Variants in WDR7 observed in about 807,000 individuals in gnomAD.
WDR7 encodes the protein WD repeat domain 7, also known as WD repeat-containing protein 7.
WDR7 carries 46 observed loss-of-function variants against 169.4 expected under a neutral mutation model. The ratio of observed to expected loss-of-function variants is 0.27; its 90% CI spans 0.21 to 0.35. The LOEUF is 0.35. Ranked by LOEUF, WDR7 falls within the 10% of genes least tolerant of loss-of-function variation. The pLI, the probability that WDR7 is intolerant of heterozygous loss-of-function variation, is 1.00. For missense variants in WDR7, 1,534 were observed against 1,859.3 expected, an observed-to-expected ratio of 0.83 and a Z score of 3.22; for synonymous variants, 612 against 666.8, an observed-to-expected ratio of 0.92 and a Z score of 1.27.
In WDR7 at chr18:57,020,807, T is replaced by C. The variant is rs1262697686; in HGVS notation, c.4227T>C (p.Leu1409=). Reference sequence around the variant, plus strand: ...CTTTTGCTCCTGATGGAAGATATCTTGCCACCTACTCAAACACTGACAGCC... The same window carrying C: ...CTTTTGCTCCTGATGGAAGATATCTCGCCACCTACTCAAACACTGACAGCC... ...AVAFAPDGRY[L]ATYSNTDSHI... The change falls in exon 27 of 28, where the codon CTT becomes CTC. Residue 1409 remains leucine (L), a synonymous_variant. Coordinates refer to ENST00000254442, the MANE Select transcript of WDR7 (RefSeq NM_015285.3). The C allele has an allele frequency of 1.2e-6, 2 of 1,614,104 alleles. No homozygotes were observed. The highest frequency in any genetic ancestry group is 3.3e-5 in the Admixed American group (2 of 60,006).
intron 14 of WDR7, among the ~76,000 whole-genome samples, chr18:56,734,356 A>G (rs2026650721): frequency 6.6e-6 from 1 of 151,864 alleles, no homozygotes. Context: ...TTGTTGGAGG[A>G]CTGGAGTCTA....
chr18:56,837,447 T>G (rs568441829), intron 20 of WDR7, among the ~76,000 whole-genome samples: 4 of 152,346 alleles, frequency 2.6e-5, no homozygotes, highest in Admixed American at 1.3e-4. Flanking sequence ...AATAATTTGC[T>G]ATTGTAAAAT....
At chr18:56,922,678 T>A (rs1316879408) in intron 21 of WDR7, among the ~76,000 whole-genome samples, 1 of 152,142 alleles carries the variant, frequency 6.6e-6, no homozygotes, top group African/African-American at 2.4e-5. Flanking sequence ...AAAGGACTGA[T>A]GGCTTTCATC....
At chr18:56,939,613 C>T (rs76108088) in intron 25 of WDR7, among the ~76,000 whole-genome samples, 4,274 of 151,978 alleles carry the variant, frequency 0.028, 105 homozygotes, top group African/African-American at 0.066. Context: ...TTGCTCAAAC[C>T]TTAGAAAAAA....
chr18:56,761,694 A>G (rs989564786), intron 16 of WDR7, among the ~76,000 whole-genome samples: 1 of 151,842 alleles, frequency 6.6e-6, no homozygotes. Context: ...TAGAGGTTTT[A>G]TATATATTTT....
intron 20 of WDR7, among the ~76,000 whole-genome samples, chr18:56,822,506 T>C (rs1362348881): frequency 6.6e-6 from 1 of 152,188 alleles, no homozygotes; most frequent in African/African-American, 2.4e-5. Context: ...ACAGATAAGC[T>C]CCAAAGAACA....
chr18:56,957,106 G>A (rs2047261876), intron 25 of WDR7, among the ~76,000 whole-genome samples: 1 of 152,052 alleles, frequency 6.6e-6, no homozygotes, highest in Non-Finnish European at 1.5e-5. Flanking sequence ...GAAAAAGAAT[G>A]GTTAAATAAT....
chr18:56,697,130 A>G (rs1259669460), intron 12 of WDR7, among the ~76,000 whole-genome samples: 1 of 152,134 alleles, frequency 6.6e-6, no homozygotes, highest in Admixed American at 6.6e-5. Flanking sequence ...TTGTGTGCAT[A>G]ATCACTGTCT....
intron 5 of WDR7, among the ~76,000 whole-genome samples, chr18:56,683,442 T>A (rs1054624010): frequency 2.0e-5 from 3 of 152,220 alleles, no homozygotes; most frequent in African/African-American, 7.2e-5. Flanking sequence ...GAATGTCTAC[T>A]TTTATAAGCC....
rs148215879 is a variant in WDR7 at position 56,889,436 on chromosome 18, A to G, written c.3526+9271A>G. ...CTGTTTGCCAGACATTTTGCTGTATACTTGACGTGTATTATTTACTCTCTT... is the reference window on the plus strand; with the variant it reads ...CTGTTTGCCAGACATTTTGCTGTATGCTTGACGTGTATTATTTACTCTCTT... On this transcript the variant is annotated intron_variant, in intron 21 of 27. Transcript: ENST00000254442. Among the ~76,000 whole-genome samples the G allele has an allele frequency of 6.6e-3, 1,002 of 152,242 alleles. 13 individuals carry two copies. Among genetic ancestry groups the G allele is most frequent in the Middle Eastern group, 0.024 (7 of 294 alleles).
intron 21 of WDR7, among the ~76,000 whole-genome samples, chr18:56,889,898 A>T (rs1218692039): frequency 6.6e-6 from 1 of 152,188 alleles, no homozygotes; most frequent in African/African-American, 2.4e-5. Flanking sequence ...CTTTGGTATG[A>T]GATACACTAG....
At position 56,716,030 on chromosome 18, in the gene WDR7, AGTGTGTGTGTGTGTGTGT is replaced by A. The variant is rs10572330; in HGVS notation, c.1579-1915_1579-1898del. 2.8e-3 allele frequency among the ~76,000 whole-genome samples: 410 copies of A among 146,692 alleles called. 4 individuals are homozygous for A. The East Asian group carries it at 0.038, about 14-fold the overall frequency. On this transcript the variant is annotated intron_variant, in intron 12 of 27. Coordinates refer to ENST00000254442, the MANE Select transcript of WDR7 (RefSeq NM_015285.3). ...TGAATTAGCAACGTACATACGTAGC[AGTGTGTGTGTGTGTGTGT>A]GTGTGTGTGTGTGTGTGTATTTACC...
intron 1 of WDR7, among the ~76,000 whole-genome samples, chr18:56,660,458 G>A (rs1010602290): frequency 6.6e-6 from 1 of 152,004 alleles, no homozygotes; most frequent in African/African-American, 2.4e-5. Context: ...TGCTCAACCT[G>A]TAAGTATAAT....
At chr18:56,758,062 TG>T (rs796450777) in intron 15 of WDR7, among the ~76,000 whole-genome samples, 44 of 152,308 alleles carry the variant, frequency 2.9e-4, no homozygotes, top group African/African-American at 1.0e-3. Flanking sequence ...CAGAATTTTG[TG>T]AGAAGTATAG....
chr18:57,014,622 A>T (rs2048182213), intron 26 of WDR7, among the ~76,000 whole-genome samples: 1 of 152,030 alleles, frequency 6.6e-6, no homozygotes. Flanking sequence ...GCGCCATTGC[A>T]CTCCAGCCTG....
At chr18:56,813,743 A>AT (rs536408468) in intron 19 of WDR7, among the ~76,000 whole-genome samples, 32 of 150,076 alleles carry the variant, frequency 2.1e-4, no homozygotes, top group South Asian at 8.5e-4. Flanking sequence ...TTTTCTTTGT[A>AT]TTTTTTTTTC....
intron 14 of WDR7, among the ~76,000 whole-genome samples, chr18:56,750,620 G>A (rs1019633544): frequency 6.6e-6 from 1 of 152,162 alleles, no homozygotes; most frequent in African/African-American, 2.4e-5. Flanking sequence ...AACATACTAA[G>A]CTTCCTGCTA....
intron 19 of WDR7, among the ~76,000 whole-genome samples, chr18:56,807,319 C>T (rs921006311): frequency 9.9e-5 from 15 of 152,054 alleles, no homozygotes; most frequent in Non-Finnish European, 8.8e-5. Flanking sequence ...TGTATCAAAA[C>T]GGTTTTTTCT....
In WDR7 at chr18:56,663,005, C is replaced by G; in HGVS notation, c.-19-9492C>G. 1.3e-5 allele frequency among the ~76,000 whole-genome samples: 2 copies of G among 152,204 alleles called. 1 individual carries two copies. Among genetic ancestry groups the G allele is most frequent in the Non-Finnish European group, 2.9e-5 (2 of 68,046 alleles). On this transcript the variant is annotated intron_variant, in intron 1 of 27. Coordinates refer to ENST00000254442, the MANE Select transcript of WDR7 (RefSeq NM_015285.3). ...CCTGGAGGCTAGAAGTGCCCCAGATCAAGGTCAGAAGGTTTATTTTCTGTG... is the reference window on the plus strand; with the variant it reads ...CCTGGAGGCTAGAAGTGCCCCAGATGAAGGTCAGAAGGTTTATTTTCTGTG...
Sources: gnomAD v4.1 joint callset for allele counts (sites outside exome capture counted in the v4.1 genomes callset) on GRCh38, gnomAD v4.1.1 for gene constraint, MANE v1.5 for transcripts, NCBI Gene and HGNC (gene_info 2026-07-23, HGNC 2026-07-21) for gene names.